The following TMEM164 variants were observed in gnomAD, a reference collection of about 807,000 sequenced individuals.
TMEM164 encodes the protein RP13-360B22.2.
Under a neutral mutation model 18.8 loss-of-function variants are expected in TMEM164, and 4 were observed. That is an observed-to-expected ratio of 0.21 (90% CI 0.10 to 0.49). The LOEUF (loss-of-function observed/expected upper bound fraction) is 0.49. TMEM164 is among the 20% of genes least tolerant of loss of function. TMEM164 has a pLI of 0.98. For missense variants in TMEM164, 108 were observed against 239.9 expected (o/e 0.45, Z 3.63); for synonymous variants, 86 against 101.7 (o/e 0.85, Z 0.93).
intron 2 of TMEM164, among the ~76,000 whole-genome samples, chrX:110,028,644 A>G (rs1398421605): frequency 1.8e-5 from 2 of 112,168 alleles, no homozygotes; most frequent in East Asian, 5.5e-4. Context: ...TAAATGTTTT[A>G]AAAGTCATCT....
chrX:110,164,833 A>G (rs1026840788), intron 5 of TMEM164, among the ~76,000 whole-genome samples: 2 of 111,918 alleles, frequency 1.8e-5, no homozygotes, highest in Non-Finnish European at 3.8e-5. Context: ...CTCTACCTAC[A>G]TGGGCCAAAG....
At chrX:110,117,614 A>G (rs2066389415) in intron 4 of TMEM164, among the ~76,000 whole-genome samples, 1 of 112,334 alleles carries the variant, frequency 8.9e-6, no homozygotes. Context: ...GTATCAATAA[A>G]AGGAAAAAGA....
intron 3 of TMEM164, among the ~76,000 whole-genome samples, chrX:110,106,957 A>T: frequency 8.9e-6 from 1 of 112,319 alleles, no homozygotes; most frequent in Non-Finnish European, 1.9e-5. Flanking sequence ...TTGGAGTGAC[A>T]TTGCGTTGGT....
chrX:110,128,906 T>C (rs1271476708), intron 4 of TMEM164, among the ~76,000 whole-genome samples: 1 of 112,066 alleles, frequency 8.9e-6, no homozygotes, highest in Non-Finnish European at 1.9e-5. Flanking sequence ...ATTTCTGTTT[T>C]CAGGATTCCT....
rs767623665 is a variant in TMEM164 at position 110,035,658 on chromosome X, C to T, written c.390+31494C>T. 5.4e-3 allele frequency among the ~76,000 whole-genome samples: 595 copies of T among 110,535 alleles called. 3 individuals carry two copies. The highest frequency in any genetic ancestry group is 0.014 in the Middle Eastern group (3 of 218). ...AGCTGGGACTACAGGCTACCATCAC[C>T]GCGGCCAGCTAATTTTTGTATTTTT... is the stretch of plus-strand genomic sequence containing the variant. On this transcript the variant is annotated intron_variant, in intron 2 of 6. Coordinates refer to ENST00000372068, the MANE Select transcript of TMEM164 (RefSeq NM_032227.4).
chrX:110,113,404 G>A (rs1480382637), intron 4 of TMEM164, among the ~76,000 whole-genome samples: 2 of 112,137 alleles, frequency 1.8e-5, no homozygotes, highest in Non-Finnish European at 3.8e-5. Context: ...CCTTAGTTGA[G>A]CTCAGATTGA....
chrX:110,152,549 C>T (rs1433458377), intron 5 of TMEM164, among the ~76,000 whole-genome samples: 1 of 111,525 alleles, frequency 9.0e-6, no homozygotes, highest in Non-Finnish European at 1.9e-5. Flanking sequence ...ATATACAGTG[C>T]AAGATAAAGA....
At chrX:110,137,321 G>A (rs1346550901) in intron 4 of TMEM164, among the ~76,000 whole-genome samples, 1 of 111,094 alleles carries the variant, frequency 9.0e-6, no homozygotes, top group East Asian at 2.9e-4. Context: ...CCCAACATAG[G>A]GAGAAGCCCC....
At chrX:110,110,934 C>G (rs1024664439) in intron 4 of TMEM164, among the ~76,000 whole-genome samples, 5 of 112,256 alleles carry the variant, frequency 4.5e-5, no homozygotes. Flanking sequence ...TAACAGGACT[C>G]CCAAGGTAGC....
At chrX:110,147,871 G>C (rs2066880493) in intron 5 of TMEM164, among the ~76,000 whole-genome samples, 1 of 110,170 alleles carries the variant, frequency 9.1e-6, no homozygotes, top group Non-Finnish European at 1.9e-5. Context: ...CTCCTGTTAT[G>C]TTCTTTCTTT....
intron 2 of TMEM164, among the ~76,000 whole-genome samples, chrX:110,047,479 C>T (rs895941039): frequency 1.4e-4 from 16 of 111,874 alleles, no homozygotes; most frequent in African/African-American, 4.9e-4. Flanking sequence ...CTAGTCATCC[C>T]CAACATATTT....
At chrX:110,097,702 A>G (rs1431995271) in intron 3 of TMEM164, among the ~76,000 whole-genome samples, 5 of 112,149 alleles carry the variant, frequency 4.5e-5, no homozygotes, top group Non-Finnish European at 9.4e-5. Flanking sequence ...TGAATCAATA[A>G]TATTCAAATT....
At chrX:110,017,710 C>T (rs1933552670) in intron 2 of TMEM164, among the ~76,000 whole-genome samples, 1 of 105,015 alleles carries the variant, frequency 9.5e-6, no homozygotes, top group Non-Finnish European at 1.9e-5. Flanking sequence ...GCTGGGATTA[C>T]AGGCATGCCC....
intron 2 of TMEM164, among the ~76,000 whole-genome samples, chrX:110,035,634 G>T (rs1462704348): frequency 9.1e-6 from 1 of 110,383 alleles, no homozygotes; most frequent in Non-Finnish European, 1.9e-5. Flanking sequence ...CTCCCAAGTA[G>T]CTGGGACTAC....
intron 5 of TMEM164, among the ~76,000 whole-genome samples, chrX:110,147,877 T>C (rs1247092960): frequency 9.1e-6 from 1 of 110,335 alleles, no homozygotes; most frequent in Non-Finnish European, 1.9e-5. Flanking sequence ...TTATGTTCTT[T>C]CTTTGACCCA....
chrX:110,142,201 A>G (rs1011384272), intron 4 of TMEM164, among the ~76,000 whole-genome samples: 3 of 112,360 alleles, frequency 2.7e-5, no homozygotes, highest in African/African-American at 9.7e-5. Flanking sequence ...TAGGCAGAGC[A>G]TGCTATGAAG....
chrX:110,058,906 C>T (rs1935986899), intron 2 of TMEM164, among the ~76,000 whole-genome samples: 1 of 109,807 alleles, frequency 9.1e-6, no homozygotes, highest in Admixed American at 9.7e-5. Flanking sequence ...GCTGGGATTA[C>T]AGGTGTGAGC....
intron 3 of TMEM164, among the ~76,000 whole-genome samples, chrX:110,076,112 G>A (rs901721941): frequency 1.9e-5 from 2 of 103,824 alleles, no homozygotes; most frequent in African/African-American, 7.0e-5. Flanking sequence ...GGCTTTTTTT[G>A]GTTGGTAGGT....
At chrX:110,022,427 G>T in intron 2 of TMEM164, among the ~76,000 whole-genome samples, 1 of 111,444 alleles carries the variant, frequency 9.0e-6, no homozygotes, top group Non-Finnish European at 1.9e-5. Flanking sequence ...GAATCATACA[G>T]CTTGTAGGAT....
Sources: gnomAD v4.1 joint callset for allele counts (sites outside exome capture counted in the v4.1 genomes callset) on GRCh38, gnomAD v4.1.1 for gene constraint, MANE v1.5 for transcripts, NCBI Gene and HGNC (gene_info 2026-07-23, HGNC 2026-07-21) for gene names.